Variants in RANBP17 observed in about 807,000 individuals in gnomAD.
RANBP17 encodes ran-binding protein 17.
In RANBP17, 158 loss-of-function variants were observed where a neutral mutation model predicts 141.2. The observed-to-expected ratio is 1.12, with a 90% CI of 0.98 to 1.28. RANBP17 has a LOEUF of 1.28. Among genes scored for constraint, RANBP17 ranks in the 50% most tolerant of loss-of-function variants. RANBP17 has a pLI of 0.00. For missense variants in RANBP17, 1,438 were observed against 1,290.7 expected (o/e 1.11, Z -1.75); for synonymous variants, 430 against 450.0 (o/e 0.96, Z 0.56).
chr5:170,909,764 A>C lies in RANBP17; in HGVS notation c.593A>C (p.Glu198Ala), dbSNP rs1303878125. Residue 198 changes from glutamate to alanine, a missense_variant and splice_region_variant, in exon 6 of 28, where the codon GAG (glutamate) becomes GCG (alanine). Transcript: ENST00000523189. ...VLVLACSLLK[E>A]VFAKPLNLQD... ...GTGCTAGCATGCTCTCTTTTAAAAG[A>C]GGTAAGTTATTTGATAATTCAACTT... 7 of 1,434,600 alleles carry C rather than the reference A, an allele frequency of 4.9e-6. No homozygotes were observed. Among genetic ancestry groups the C allele is most frequent in the Non-Finnish European group, 6.8e-6 (7 of 1,021,986 alleles). 88.9% of individuals were successfully genotyped at this position (1,434,600 alleles called of 1,614,324 possible). A position where few individuals can be genotyped will look rare whatever the true frequency, so the allele number is the denominator to read the frequency against.
intron 24 of RANBP17, 62 bp downstream of exon 24, chr5:171,242,882 G>T: frequency 6.9e-7 from 1 of 1,456,602 alleles, no homozygotes; most frequent in East Asian, 2.3e-5. Context: ...TTTAATGTAT[G>T]TGATTATTGA....
At chr5:171,090,097 C>A (rs1335670249) in intron 14 of RANBP17, among the ~76,000 whole-genome samples, 1 of 152,148 alleles carries the variant, frequency 6.6e-6, no homozygotes, top group Non-Finnish European at 1.5e-5. Context: ...GGGTAACAGG[C>A]AGAGACTGAA....
intron 14 of RANBP17, among the ~76,000 whole-genome samples, chr5:171,165,398 G>A (rs1056400708): frequency 5.3e-5 from 8 of 151,978 alleles, no homozygotes; most frequent in Non-Finnish European, 1.0e-4. Flanking sequence ...GGCTGGTCTC[G>A]AACTCCTGAG....
chr5:171,254,551 C>T (rs1489289868), intron 24 of RANBP17, among the ~76,000 whole-genome samples: 2 of 152,160 alleles, frequency 1.3e-5, no homozygotes, highest in African/African-American at 4.8e-5. Flanking sequence ...CTTCCACCCA[C>T]CTTTACAAAT....
intron 14 of RANBP17, among the ~76,000 whole-genome samples, chr5:171,017,624 G>C (rs1324864955): frequency 6.6e-6 from 1 of 152,084 alleles, no homozygotes; most frequent in Non-Finnish European, 1.5e-5. Context: ...TTGTAAATTT[G>C]TTTAAGTTCC....
At chr5:171,119,496 G>T (rs772066278) in intron 14 of RANBP17, among the ~76,000 whole-genome samples, 6 of 152,074 alleles carry the variant, frequency 3.9e-5, no homozygotes, top group Non-Finnish European at 7.4e-5. Context: ...ATCTGCTCCT[G>T]GACTTTTCTT....
At chr5:170,932,149 AT>A (rs1261918821) in intron 12 of RANBP17, among the ~76,000 whole-genome samples, 1 of 151,986 alleles carries the variant, frequency 6.6e-6, no homozygotes, top group Non-Finnish European at 1.5e-5. Context: ...ATTCCTAGGT[AT>A]TTTATTCTCT....
chr5:171,093,484 A>G (rs973817858), intron 14 of RANBP17, among the ~76,000 whole-genome samples: 1 of 152,212 alleles, frequency 6.6e-6, no homozygotes, highest in African/African-American at 2.4e-5. Flanking sequence ...CAGAAAAACA[A>G]TCAAGAACCC....
intron 14 of RANBP17, among the ~76,000 whole-genome samples, chr5:171,080,855 C>G (rs545234916): frequency 6.6e-6 from 1 of 152,184 alleles, no homozygotes; most frequent in South Asian, 2.1e-4. Context: ...AATGTAGAGC[C>G]TTTTGGGGCA....
intron 14 of RANBP17, among the ~76,000 whole-genome samples, chr5:171,013,449 A>G (rs2127593293): frequency 6.6e-6 from 1 of 152,258 alleles, no homozygotes; most frequent in East Asian, 1.9e-4. Context: ...TCAACTGCTC[A>G]TTTCTCAGCC....
Position 171,179,674 on chromosome 5 carries a change from C to T in RANBP17, c.1866-3493C>T, listed in dbSNP as rs543443439. Among the ~76,000 whole-genome samples the T allele has an allele frequency of 4.1e-4, 63 of 152,108 alleles. 1 individual carries two copies. Among genetic ancestry groups the T allele is most frequent in the Non-Finnish European group, 7.5e-4 (51 of 67,988 alleles). On this transcript the variant is annotated intron_variant, in intron 16 of 27. Transcript: ENST00000523189. ...TATAATTCTAAATGAAATTTTTTCA[C>T]GTCTTTACACTTTTGTAAATAGGAT...
rs749648135 is a variant in RANBP17 at position 171,093,209 on chromosome 5, TC to T, written c.1711-76915del. Among the ~76,000 whole-genome samples, 140 of 73,800 alleles carry T rather than the reference TC, an allele frequency of 1.9e-3. 1 individual carries two copies. The highest frequency in any genetic ancestry group is 2.2e-3 in the South Asian group (2 of 912). The allele number at this position is 73,800 out of a possible 152,430, so 48.4% of individuals were successfully genotyped here. ...TGGACAATAGCAGTGGAACTCAGTC[TC>T]CCCCCAAAAAAAAAAAATAGACATT... On this transcript the variant is annotated intron_variant, in intron 14 of 27. Coordinates refer to ENST00000523189, the MANE Select transcript of RANBP17 (RefSeq NM_022897.5).
At chr5:170,931,100 A>G (rs913700554) in intron 12 of RANBP17, among the ~76,000 whole-genome samples, 29 of 152,248 alleles carry the variant, frequency 1.9e-4, no homozygotes, top group African/African-American at 6.7e-4. Flanking sequence ...AATGATTGCC[A>G]TTCTAACTGG....
At chr5:171,115,135 G>T (rs965159332) in intron 14 of RANBP17, among the ~76,000 whole-genome samples, 8 of 151,968 alleles carry the variant, frequency 5.3e-5, no homozygotes, top group African/African-American at 1.9e-4. Context: ...TATGTTAGGG[G>T]AGATAAAAAA....
In RANBP17 at chr5:170,974,949, A is replaced by G. The variant is rs570868675; in HGVS notation, c.1710+6572A>G. Among the ~76,000 whole-genome samples the G allele has an allele frequency of 7.5e-4, 114 of 152,052 alleles. 1 individual carries two copies. The highest frequency in any genetic ancestry group is 1.2e-3 in the Non-Finnish European group (79 of 67,982). On this transcript the variant is annotated intron_variant, in intron 14 of 27. Transcript: ENST00000523189. ...TTCCTTTGAAATCATTTTTTCTTCC[A>G]GGCCCTTGCGCTCTGGGCCTGGGAG...
At chr5:171,036,081 C>A (rs985210131) in intron 14 of RANBP17, among the ~76,000 whole-genome samples, 5 of 151,966 alleles carry the variant, frequency 3.3e-5, no homozygotes, top group Non-Finnish European at 7.4e-5. Flanking sequence ...TTACAAAATA[C>A]AACAAAATAT....
chr5:171,243,592 C>G (rs1212578554), intron 24 of RANBP17, among the ~76,000 whole-genome samples: 1 of 152,104 alleles, frequency 6.6e-6, no homozygotes, highest in Non-Finnish European at 1.5e-5. Context: ...TTATAAGAAA[C>G]TAACAAACTG....
intron 14 of RANBP17, among the ~76,000 whole-genome samples, chr5:171,166,426 G>GTT (rs201095384): frequency 1.1e-4 from 16 of 144,776 alleles, no homozygotes; most frequent in Non-Finnish European, 2.0e-4. Flanking sequence ...CTGAAAGTGA[G>GTT]TTTTTTTTTT....
At chr5:170,955,493 G>C (rs1328089309) in intron 13 of RANBP17, among the ~76,000 whole-genome samples, 3 of 65,088 alleles carry the variant, frequency 4.6e-5, no homozygotes, top group East Asian at 6.5e-4. Flanking sequence ...TATGCTCAGT[G>C]TGTATATATA....
Sources: gnomAD v4.1 joint callset for allele counts (sites outside exome capture counted in the v4.1 genomes callset) on GRCh38, gnomAD v4.1.1 for gene constraint, MANE v1.5 for transcripts, NCBI Gene and HGNC (gene_info 2026-07-23, HGNC 2026-07-21) for gene names.